The following DPEP2 variants were observed in gnomAD, a reference collection of about 807,000 sequenced individuals.
The protein encoded by DPEP2 is dipeptidase 2.
A neutral mutation model predicts 51.8 loss-of-function variants in DPEP2; 45 were observed. The observed-to-expected ratio is 0.87, with a 90% confidence interval of 0.68 to 1.11. The LOEUF is 1.11. Ranked by LOEUF, DPEP2 falls within the 50% of genes most tolerant of loss-of-function variation. The pLI is 0.00. For synonymous variants in DPEP2, 255 were observed against 262.7 expected (o/e 0.97, Z 0.28); for missense variants, 604 against 631.9 (o/e 0.96, Z 0.47).
At chr16:67,998,310 G>A (rs1017857446) in intron 1 of DPEP2, among the ~76,000 whole-genome samples, 2 of 152,140 alleles carry the variant, frequency 1.3e-5, no homozygotes, top group Non-Finnish European at 2.9e-5. Context: ...CACTCGGAGC[G>A]GCCCGCGGGC....
Position 67,993,551 on chromosome 16 carries a change from G to A in DPEP2, c.-45-294C>T, listed in dbSNP as rs1033215458. ...CTCCTCCCACTGTCCCCAGGGGGCC[G>A]ACCCAGGTGGCTCCTCTGCTGCCCC... On this transcript the variant is annotated intron_variant, in intron 1 of 10. Transcript: ENST00000393847. 5.1e-5 allele frequency: 54 copies of A among 1,060,960 alleles called. No individual in the cohort carries two copies. In the South Asian group the frequency reaches 2.1e-3, roughly 41 times the overall value. 65.7% of individuals were successfully genotyped at this position (1,060,960 alleles called of 1,614,324 possible).
At position 67,990,903 on chromosome 16, in the gene DPEP2, G is replaced by T; in HGVS notation, c.827C>A (p.Ala276Glu). Reference sequence around the variant, plus strand: ...AGCCGAGTGGGAGAAGATCACAGGTGCCTGTGACACTTCCAGGGCCCGCCG... The same window carrying T: ...AGCCGAGTGGGAGAAGATCACAGGTTCCTGTGACACTTCCAGGGCCCGCCG... ...VARRALEVSQ[A>E]PVIFSHSAAR... Residue 276 changes from alanine (A) to glutamate (E), a missense_variant, in exon 7 of 11, where the codon GCA becomes GAA. Coordinates refer to ENST00000393847, the MANE Select transcript of DPEP2 (RefSeq NM_022355.4). 1.2e-6 allele frequency: 2 copies of T among 1,614,170 alleles called. No individual in the cohort carries two copies. Among genetic ancestry groups the T allele is most frequent in the Admixed American group, 1.7e-5 (1 of 60,020 alleles).
chr16:67,990,716 A>C lies in DPEP2; in HGVS notation c.909+105T>G. On this transcript the variant is annotated intron_variant, in intron 7 of 10. Transcript: ENST00000393847. ...TGACCTCAAGTGATCAGCCCACCTC[A>C]GCCTCCCAAAGTGCTGGGATTACAG... 4 of 1,302,910 alleles carry C rather than the reference A, an allele frequency of 3.1e-6. No homozygotes were observed. The South Asian group carries it at 5.6e-5, about 18-fold the overall frequency. The allele number at this position is 1,302,910 out of a possible 1,614,324, so 80.7% of individuals were successfully genotyped here. A position where few individuals can be genotyped will look rare whatever the true frequency, so the allele number is the denominator to read the frequency against.
chr16:67,993,623 A>G (rs2032465823), intron 1 of DPEP2: 18 of 992,958 alleles, frequency 1.8e-5, no homozygotes, highest in Non-Finnish European at 2.0e-5. Context: ...TCCCCCAAAC[A>G]GTGGCCCTCT....
At position 67,992,274 on chromosome 16, in the gene DPEP2, G is replaced by C. The variant is rs149903558; in HGVS notation, c.391-81C>G. On this transcript the variant is annotated intron_variant, in intron 3 of 10. Coordinates refer to ENST00000393847, the MANE Select transcript of DPEP2 (RefSeq NM_022355.4). Reference sequence around the variant, plus strand: ...CTGCTCACAGCCTCCACAGCTGACAGAGCACCCAGTGGGCCAGGAGGCCAC... The same window carrying C: ...CTGCTCACAGCCTCCACAGCTGACACAGCACCCAGTGGGCCAGGAGGCCAC... The C allele has an allele frequency of 5.5e-3, 8,489 of 1,550,840 alleles. 22 individuals carry two copies. The highest frequency in any genetic ancestry group is 6.6e-3 in the Non-Finnish European group (7,538 of 1,144,142).
intron 9 of DPEP2, among the ~76,000 whole-genome samples, chr16:67,988,602 CA>C (rs56905546): frequency 0.073 from 7,268 of 98,944 alleles, 480 homozygotes; most frequent in African/African-American, 0.22. Context: ...GCCTCTGTCT[CA>C]AAAAAAAAAA....
chr16:67,996,535 C>T (rs1271615008), intron 1 of DPEP2, among the ~76,000 whole-genome samples: 3 of 152,110 alleles, frequency 2.0e-5, no homozygotes, highest in East Asian at 3.9e-4. Flanking sequence ...GCATGTGCCA[C>T]CACACCTGGC....
Position 67,991,188 on chromosome 16 carries a change from C to T in DPEP2, c.663-4G>A. ...GCCCTTAGCGGAGCTCTCTGCCCTG[C>T]AGGGTGGCCAGGAAGCAGTCTGACT... On this transcript the variant is annotated splice_region_variant and splice_polypyrimidine_tract_variant and intron_variant, in intron 5 of 10. Coordinates refer to ENST00000393847, the MANE Select transcript of DPEP2 (RefSeq NM_022355.4). This position sits in a 1 kb window ranked among gnomAD's most constrained non-coding sequence, Gnocchi z 5.1. The T allele has an allele frequency of 6.2e-7, 1 of 1,612,548 alleles. No individual in the cohort carries two copies. The highest frequency in any genetic ancestry group is 8.5e-7 in the Non-Finnish European group (1 of 1,180,006).
upstream of DPEP2, chr16:68,000,447 C>G: frequency 1.0e-6 from 1 of 985,372 alleles, no homozygotes; most frequent in Non-Finnish European, 1.2e-6. Flanking sequence ...CTGGGGCTTA[C>G]TCAGTATCCA....
rs907485997 is a variant in DPEP2 at position 67,999,453 on chromosome 16, G to A, written c.-124C>T. On this transcript the variant is annotated 5_prime_UTR_variant, in exon 1 of 11. Coordinates refer to ENST00000393847, the MANE Select transcript of DPEP2 (RefSeq NM_022355.4). ...GTGAGACCAAGAACCCACCAATTCC[G>A]GACACACTAAGACAAGATTTCACTA... The A allele has an allele frequency of 2.4e-5, 24 of 991,010 alleles. No homozygotes were observed. The South Asian group carries it at 5.5e-4, about 23-fold the overall frequency. 61.4% of individuals were successfully genotyped at this position (991,010 alleles called of 1,614,324 possible). A position where few individuals can be genotyped will look rare whatever the true frequency, so the allele number is the denominator to read the frequency against.
intron 7 of DPEP2, 81 bp downstream of exon 7, chr16:67,990,740 A>G: frequency 1.4e-6 from 2 of 1,480,740 alleles, no homozygotes; most frequent in Non-Finnish European, 9.2e-7. Context: ...CTGGGATTAC[A>G]GGTGTGAGCC....
intron 1 of DPEP2, among the ~76,000 whole-genome samples, chr16:67,998,875 A>C (rs1438177051): frequency 1.3e-5 from 2 of 151,878 alleles, no homozygotes; most frequent in African/African-American, 2.4e-5. Flanking sequence ...TTGTGTCGAC[A>C]CTCTGTATTT....
chr16:67,988,416 A>C (rs185597306), intron 9 of DPEP2, among the ~76,000 whole-genome samples: 143 of 151,760 alleles, frequency 9.4e-4, no homozygotes, highest in Non-Finnish European at 4.3e-4. Context: ...AAAGAAAGGA[A>C]AGAAAGGAAA....
At chr16:67,988,907 G>GAGAAGA (rs149160038) in intron 9 of DPEP2, among the ~76,000 whole-genome samples, 4 of 151,820 alleles carry the variant, frequency 2.6e-5, no homozygotes, top group South Asian at 2.1e-4. Context: ...GCAAGACCCT[G>GAGAAGA]AGAAGAAGAA....
In DPEP2 at chr16:67,991,922, A is replaced by G. The variant is rs1407291141; in HGVS notation, c.578T>C (p.Leu193Pro). Residue 193 changes from leucine to proline, a missense_variant, in exon 5 of 11, where the codon CTG (leucine) becomes CCG (proline). By Grantham distance (98) the Leu-to-Pro change is moderately conservative (BLOSUM62 -3). Coordinates refer to ENST00000393847, the MANE Select transcript of DPEP2 (RefSeq NM_022355.4). The surrounding 1 kb of genome is among the most constrained non-coding windows in gnomAD (Gnocchi z 5.1). ...ACGTAAGATGGAGAGGCTATTGTCC[A>G]GCGAGTGGCCACCCTCTACACCGAT... ...CLIGVEGGHS[L>P]DNSLSILRTF... 6.2e-7 allele frequency: 1 copy of G among 1,614,176 alleles called. No homozygotes were observed. Among genetic ancestry groups the G allele is most frequent in the South Asian group, 1.1e-5 (1 of 91,076 alleles).
intron 1 of DPEP2, chr16:67,993,531 C>T: frequency 9.1e-7 from 1 of 1,101,064 alleles, no homozygotes; most frequent in Non-Finnish European, 1.1e-6. Flanking sequence ...TTTTACTCCT[C>T]CCACTGTCCC....
Position 67,990,069 on chromosome 16 carries a change from T to C in DPEP2, c.972A>G (p.Ser324=). Reference sequence around the variant, plus strand: ...TACCTGCCACAGTGGACACATTGGCTGATGGGTTGCACTGTATTACTCCCA... The same window carrying C: ...TACCTGCCACAGTGGACACATTGGCCGATGGGTTGCACTGTATTACTCCCA... ...LSMGVIQCNP[S]ANVSTVADHF... is the part of the protein sequence containing the mutation. Residue 324 remains serine (S), a synonymous_variant, in exon 8 of 11, where the codon TCA becomes TCG. Transcript: ENST00000393847. 1 of 1,614,210 alleles carries C rather than the reference T, an allele frequency of 6.2e-7. No homozygotes were observed. The highest frequency in any genetic ancestry group is 8.5e-7 in the Non-Finnish European group (1 of 1,180,022).
In DPEP2 at chr16:67,991,669, C is replaced by G; in HGVS notation, c.662+169G>C. On this transcript the variant is annotated intron_variant, in intron 5 of 10. Coordinates refer to ENST00000393847, the MANE Select transcript of DPEP2 (RefSeq NM_022355.4). This position sits in a 1 kb window ranked among gnomAD's most constrained non-coding sequence, Gnocchi z 5.1. ...TTGGGATTACAGGCATGAGCCACCG[C>G]GTCTGGCCAGGGGTCAAGTCGTATT... The G allele has an allele frequency of 9.5e-7, 1 of 1,049,896 alleles. No individual in the cohort carries two copies. The highest frequency in any genetic ancestry group is 1.3e-6 in the Non-Finnish European group (1 of 750,298). The allele number at this position is 1,049,896 out of a possible 1,614,324, so 65.0% of individuals were successfully genotyped here.
At chr16:67,989,426 C>G in intron 8 of DPEP2, 28 bp from the exon 9 acceptor site, 1 of 1,612,916 alleles carries the variant, frequency 6.2e-7, no homozygotes, top group Non-Finnish European at 8.5e-7. Context: ...GGACAGTCAG[C>G]TGCGTAGGGC....
Sources: allele counts gnomAD v4.1 joint callset (sites outside exome capture counted in the v4.1 genomes callset), GRCh38; gene constraint gnomAD v4.1.1; non-coding constraint Gnocchi (gnomAD v3.1); transcripts MANE v1.5; gene names NCBI Gene and HGNC (gene_info 2026-07-23, HGNC 2026-07-21).